Variants in IQGAP1 observed in about 807,000 individuals in gnomAD.
IQGAP1 encodes IQ motif containing GTPase activating protein 1.
IQGAP1 carries 66 observed loss-of-function variants against 215.6 expected under a neutral mutation model. The observed-to-expected ratio is 0.31, with a 90% CI of 0.25 to 0.38. The LOEUF is 0.38. IQGAP1 is among the 10% of genes least tolerant of loss of function. The pLI is 1.00. For missense variants in IQGAP1, 1,712 were observed against 1,997.1 expected (o/e 0.86, Z 2.72); for synonymous variants, 772 against 728.7 (o/e 1.06, Z -0.96).
intron 2 of IQGAP1, among the ~76,000 whole-genome samples, chr15:90,418,381 G>A (rs562072240): frequency 1.6e-4 from 25 of 152,276 alleles, no homozygotes; most frequent in Middle Eastern, 3.4e-3. Flanking sequence ...GAGCCCAGGA[G>A]TTGGAGACCA....
Position 90,425,331 on chromosome 15 carries a change from A to G in IQGAP1, c.156-779A>G, listed in dbSNP as rs28415430. Among the ~76,000 whole-genome samples, 957 of 151,170 alleles carry G rather than the reference A, an allele frequency of 6.3e-3. 4 individuals are homozygous for G. The highest frequency in any genetic ancestry group is 9.8e-3 in the Non-Finnish European group (662 of 67,652). ...TCTCAAAAGAAAAAAGAAGAAAAGG[A>G]AAAAAAAACCATTGCCATAAATGAT... On this transcript the variant is annotated intron_variant, in intron 2 of 37. Coordinates refer to ENST00000268182, the MANE Select transcript of IQGAP1 (RefSeq NM_003870.4).
At chr15:90,474,985 G>C in intron 23 of IQGAP1, 1 of 160,020 alleles carries the variant, frequency 6.2e-6, no homozygotes, top group Non-Finnish European at 1.2e-5. Flanking sequence ...AATGTTTTTT[G>C]ATTTTTGGCT....
At chr15:90,490,872 G>T (rs564277515) in intron 33 of IQGAP1, among the ~76,000 whole-genome samples, 2 of 152,232 alleles carry the variant, frequency 1.3e-5, no homozygotes, top group East Asian at 3.9e-4. Context: ...GCAGTGGCGC[G>T]ATCTTGGCTC....
At chr15:90,409,919 A>C (rs1424792509) in intron 2 of IQGAP1, among the ~76,000 whole-genome samples, 1 of 152,012 alleles carries the variant, frequency 6.6e-6, no homozygotes, top group Non-Finnish European at 1.5e-5. Context: ...GCATTTTTTC[A>C]TGTGTCTGTT....
intron 2 of IQGAP1, among the ~76,000 whole-genome samples, chr15:90,405,737 T>A (rs1964868290): frequency 7.4e-6 from 1 of 134,312 alleles, no homozygotes; most frequent in South Asian, 2.8e-4. Context: ...TCAATAGTGT[T>A]CCAGGTTTTT....
At chr15:90,498,480 A>G (rs1449490406) in intron 37 of IQGAP1, among the ~76,000 whole-genome samples, 1 of 152,052 alleles carries the variant, frequency 6.6e-6, no homozygotes, top group Non-Finnish European at 1.5e-5. Context: ...TTTTTAACCA[A>G]ATCATGTTAG....
At chr15:90,493,968 C>G (rs959264125) in intron 35 of IQGAP1, 20 of 152,144 alleles carry the variant, frequency 1.3e-4, no homozygotes, top group African/African-American at 4.8e-4. Context: ...GTGTTCACTG[C>G]CAGATTTGTC....
In IQGAP1 at chr15:90,466,077, A is replaced by G. The variant is rs759961601; in HGVS notation, c.1853A>G (p.Gln618Arg). The G allele has an allele frequency of 5.5e-5, 88 of 1,614,090 alleles. No homozygotes were observed. The highest frequency in any genetic ancestry group is 7.3e-5 in the Non-Finnish European group (86 of 1,179,952). ...ATCTGGCAGTCCAACAAAGACACCC[A>G]AGAAGCACAGAAGTGTATGTATCAC... ...GGIWQSNKDTQEAQKFALGIF... is the reference protein window; with the variant it reads ...GGIWQSNKDTREAQKFALGIF... Residue 618 changes from glutamine to arginine, a missense_variant, in exon 16 of 38, where the codon CAA becomes CGA. This residue lies in a region of IQGAP1 where 1,021 missense variants were observed against 1,074.2 expected (regional missense o/e 0.95). Transcript: ENST00000268182.
intron 2 of IQGAP1, chr15:90,393,440 T>C (rs1406447484): frequency 1.3e-5 from 2 of 151,174 alleles, no homozygotes; most frequent in African/African-American, 4.9e-5. Flanking sequence ...CTGTATTGTT[T>C]TATTTATATC....
At chr15:90,438,033 A>G (rs1030403180) in intron 5 of IQGAP1, among the ~76,000 whole-genome samples, 6 of 152,140 alleles carry the variant, frequency 3.9e-5, no homozygotes, top group Admixed American at 6.6e-5. Context: ...TTGTTTTTCT[A>G]TTATACATTT....
At chr15:90,471,224 A>G (rs191075785) in intron 18 of IQGAP1, among the ~76,000 whole-genome samples, 5 of 152,248 alleles carry the variant, frequency 3.3e-5, no homozygotes, top group South Asian at 2.1e-4. Context: ...AGTCCAGGGA[A>G]AATGTGGCTT....
At position 90,486,076 on chromosome 15, in the gene IQGAP1, C is replaced by G; in HGVS notation, c.3968C>G (p.Pro1323Arg). 6.2e-7 allele frequency: 1 copy of G among 1,613,958 alleles called. No individual in the cohort carries two copies. The highest frequency in any genetic ancestry group is 8.5e-7 in the Non-Finnish European group (1 of 1,179,956). Residue 1323 changes from proline (P) to arginine (R), a missense_variant, in exon 31 of 38, where the codon CCA becomes CGA. Pro to Arg is a moderately radical substitution (Grantham distance 103). Coordinates refer to ENST00000268182, the MANE Select transcript of IQGAP1 (RefSeq NM_003870.4). ...QDAIAPEHND[P>R]IHELLDDLGE... ...GCCATTGCTCCGGAGCACAATGATCCAATCCACGAACTGCTGGACGACCTC... is the reference window on the plus strand; with the variant it reads ...GCCATTGCTCCGGAGCACAATGATCGAATCCACGAACTGCTGGACGACCTC...
chr15:90,473,102 T>A, intron 19 of IQGAP1, 92 bp downstream of exon 19: 1 of 1,206,252 alleles, frequency 8.3e-7, no homozygotes, highest in Admixed American at 1.9e-5. Context: ...CTGAGTGTGT[T>A]TTTTGAGTGC....
At chr15:90,479,420 C>T (rs536601146) in intron 26 of IQGAP1, among the ~76,000 whole-genome samples, 5 of 151,942 alleles carry the variant, frequency 3.3e-5, no homozygotes, top group South Asian at 4.2e-4. Flanking sequence ...GGGTGGAGAA[C>T]GGAACATTCT....
At position 90,487,107 on chromosome 15, in the gene IQGAP1, G is replaced by A. The variant is rs1966137688; in HGVS notation, c.4160+18G>A. 6.8e-6 allele frequency: 11 copies of A among 1,613,542 alleles called. No homozygotes were observed. Among genetic ancestry groups the A allele is most frequent in the Non-Finnish European group, 7.6e-6 (9 of 1,179,696 alleles). ...TTACTGAAGTGAGTATCAAAAGAAG[G>A]AAGAATGAAATGAATGTAATCTGAA... On this transcript the variant is annotated intron_variant, in intron 32 of 37. Transcript: ENST00000268182.
intron 23 of IQGAP1, among the ~76,000 whole-genome samples, chr15:90,476,234 A>G (rs1965978005): frequency 6.6e-6 from 1 of 152,140 alleles, no homozygotes; most frequent in Non-Finnish European, 1.5e-5. Flanking sequence ...GCACCCAGCC[A>G]TAAATATTAT....
intron 2 of IQGAP1, among the ~76,000 whole-genome samples, chr15:90,422,452 T>C (rs1252372844): frequency 2.6e-5 from 4 of 151,918 alleles, no homozygotes; most frequent in Non-Finnish European, 1.5e-5. Flanking sequence ...TGCACTATTA[T>C]TTAATGGTTG....
chr15:90,409,831 G>C (rs1257377688), intron 2 of IQGAP1, among the ~76,000 whole-genome samples: 1 of 152,116 alleles, frequency 6.6e-6, no homozygotes, highest in Non-Finnish European at 1.5e-5. Flanking sequence ...ACTTTTTAAT[G>C]AGCGACATTC....
At chr15:90,477,012 A>G (rs556003892) in intron 24 of IQGAP1, 55 bp from the exon 25 acceptor site, 9 of 1,526,992 alleles carry the variant, frequency 5.9e-6, no homozygotes, top group Middle Eastern at 1.7e-4. Flanking sequence ...AATTGAATAT[A>G]TCTTGCCAGC....
Sources: allele counts gnomAD v4.1 joint callset (sites outside exome capture counted in the v4.1 genomes callset), GRCh38; gene constraint gnomAD v4.1.1; regional missense constraint gnomAD v4.1.1; transcripts MANE v1.5; gene names NCBI Gene and HGNC (gene_info 2026-07-23, HGNC 2026-07-21).